The following KCTD16 variants were observed in gnomAD, a reference collection of about 807,000 sequenced individuals.
The protein encoded by KCTD16 is potassium channel tetramerization domain containing 16, also known as BTB/POZ domain-containing protein KCTD16.
In KCTD16, 13 loss-of-function variants were observed where a neutral mutation model predicts 33.2. The observed-to-expected ratio is 0.39, with a 90% CI of 0.25 to 0.62. KCTD16 has a LOEUF of 0.62. Ranked by LOEUF, KCTD16 falls within the 20% of genes least tolerant of loss-of-function variation. KCTD16 has a pLI of 0.50. For missense variants in KCTD16, 441 were observed against 525.1 expected (o/e 0.84, Z 1.57); for synonymous variants, 197 against 195.3 (o/e 1.01, Z -0.07).
chr5:144,180,686 G>A (rs1238583634), intron 2 of KCTD16, among the ~76,000 whole-genome samples: 1 of 152,172 alleles, frequency 6.6e-6, no homozygotes, highest in Non-Finnish European at 1.5e-5. Context: ...TGCAGGTTGG[G>A]ATCTCAGCTA....
intron 3 of KCTD16, among the ~76,000 whole-genome samples, chr5:144,415,943 A>G (rs576989794): frequency 6.6e-6 from 1 of 152,324 alleles, no homozygotes. Context: ...GAGGGAAAAG[A>G]AATTGAATTT....
rs1056725008 is a variant in KCTD16 at position 144,480,786 on chromosome 5, A to G, written c.*6672A>G. On this transcript the variant is annotated 3_prime_UTR_variant, in exon 4 of 4. Transcript: ENST00000512467. Reference sequence around the variant, plus strand: ...AGCCCTCCATAACAAAAAGTTATCCAGCCCACAATGTCAATAGTGCTTAGC... The same window carrying G: ...AGCCCTCCATAACAAAAAGTTATCCGGCCCACAATGTCAATAGTGCTTAGC... 2 of 151,992 alleles carry G rather than the reference A, an allele frequency of 1.3e-5. No homozygotes were observed. Among genetic ancestry groups the G allele is most frequent in the Non-Finnish European group, 2.9e-5 (2 of 67,944 alleles). The allele number at this position is 151,992 out of a possible 1,614,324, so 9.4% of individuals were successfully genotyped here. A position where few individuals can be genotyped will look rare whatever the true frequency, so the allele number is the denominator to read the frequency against.
chr5:144,346,970 G>A (rs1354144001), intron 3 of KCTD16, among the ~76,000 whole-genome samples: 1 of 151,514 alleles, frequency 6.6e-6, no homozygotes, highest in Non-Finnish European at 1.5e-5. Flanking sequence ...TTTTTTTTGT[G>A]GTAGTTTCAT....
chr5:144,378,048 C>G (rs933633981), intron 3 of KCTD16, among the ~76,000 whole-genome samples: 1 of 152,134 alleles, frequency 6.6e-6, no homozygotes, highest in Admixed American at 6.5e-5. Flanking sequence ...TATAAGAAAA[C>G]AAAGGAACTT....
intron 3 of KCTD16, among the ~76,000 whole-genome samples, chr5:144,446,194 G>A (rs1286588446): frequency 6.6e-6 from 1 of 151,816 alleles, no homozygotes; most frequent in Non-Finnish European, 1.5e-5. Context: ...TTTTTTAAAT[G>A]TGGGTATTTG....
intron 3 of KCTD16, among the ~76,000 whole-genome samples, chr5:144,452,116 G>T (rs1467255930): frequency 6.9e-6 from 1 of 145,858 alleles, no homozygotes; most frequent in East Asian, 2.0e-4. Flanking sequence ...TCACCCCGCT[G>T]CTCCCAAAAC....
At chr5:144,289,523 T>A (rs1240796633) in intron 3 of KCTD16, among the ~76,000 whole-genome samples, 1 of 152,214 alleles carries the variant, frequency 6.6e-6, no homozygotes, top group East Asian at 1.9e-4. Context: ...CACACATTCC[T>A]TCTACTGATT....
chr5:144,464,059 T>C (rs2126994546), intron 3 of KCTD16, among the ~76,000 whole-genome samples: 1 of 152,310 alleles, frequency 6.6e-6, no homozygotes, highest in African/African-American at 2.4e-5. Context: ...GAAAATGAGG[T>C]GTTCTTTCCA....
rs1461770167 is a variant in KCTD16, at chr5:144,479,663, CCT to C, written c.*5555_*5556del. On this transcript the variant is annotated 3_prime_UTR_variant, in exon 4 of 4. Coordinates refer to ENST00000512467, the MANE Select transcript of KCTD16 (RefSeq NM_020768.4). ...GGTTAAATTTGATTCAGTTTGTTGC[CCT>C]CTCTCCTCTACTTCCTAAGTGGGAT... The C allele has an allele frequency of 4.6e-5, 7 of 151,624 alleles. No individual in the cohort carries two copies. The highest frequency in any genetic ancestry group is 1.5e-4 in the African/African-American group (6 of 41,278). The allele number at this position is 151,624 out of a possible 1,614,324, so 9.4% of individuals were successfully genotyped here. A position where few individuals can be genotyped will look rare whatever the true frequency, so the allele number is the denominator to read the frequency against.
chr5:144,297,501 A>G (rs1756073331), intron 3 of KCTD16, among the ~76,000 whole-genome samples: 1 of 152,198 alleles, frequency 6.6e-6, no homozygotes, highest in Admixed American at 6.5e-5. Context: ...TATACTACAT[A>G]TGTTGCAGAA....
intron 3 of KCTD16, among the ~76,000 whole-genome samples, chr5:144,287,100 T>G (rs1004090859): frequency 3.3e-5 from 5 of 152,308 alleles, no homozygotes; most frequent in African/African-American, 1.2e-4. Context: ...AAGGTCCGTC[T>G]GGCCATGACA....
chr5:144,259,086 G>A (rs1452248836), intron 3 of KCTD16, among the ~76,000 whole-genome samples: 2 of 151,820 alleles, frequency 1.3e-5, no homozygotes, highest in East Asian at 1.9e-4. Flanking sequence ...GTGAAACCCC[G>A]TCTCTACTAA....
rs1251202081 is a variant in KCTD16 at position 144,477,078 on chromosome 5, G to C, written c.*2964G>C. 3.3e-5 allele frequency: 5 copies of C among 152,030 alleles called. No individual in the cohort carries two copies. Among genetic ancestry groups the C allele is most frequent in the Admixed American group, 2.0e-4 (3 of 15,270 alleles). The allele number at this position is 152,030 out of a possible 1,614,324, so 9.4% of individuals were successfully genotyped here. Reference sequence around the variant, plus strand: ...AGCTTTGGGAGATCATTCCCTAAAGGTATGTGGGTTGTCTGAAGTCAGAAA... The same window carrying C: ...AGCTTTGGGAGATCATTCCCTAAAGCTATGTGGGTTGTCTGAAGTCAGAAA... On this transcript the variant is annotated 3_prime_UTR_variant, in exon 4 of 4. Transcript: ENST00000512467.
At chr5:144,220,876 G>T (rs552011879) in intron 3 of KCTD16, among the ~76,000 whole-genome samples, 1 of 152,094 alleles carries the variant, frequency 6.6e-6, no homozygotes, top group South Asian at 2.1e-4. Flanking sequence ...AGGAGACGGA[G>T]GTTGCAGTGA....
At chr5:144,339,092 G>A (rs929954428) in intron 3 of KCTD16, among the ~76,000 whole-genome samples, 4 of 152,304 alleles carry the variant, frequency 2.6e-5, no homozygotes, top group South Asian at 2.1e-4. Flanking sequence ...TTAGCATCAC[G>A]TTTGATCAGC....
intron 3 of KCTD16, among the ~76,000 whole-genome samples, chr5:144,237,885 T>C (rs1754296623): frequency 6.6e-6 from 1 of 151,904 alleles, no homozygotes; most frequent in East Asian, 1.9e-4. Flanking sequence ...TTATCTGAGG[T>C]CATATTGAAG....
intron 3 of KCTD16, among the ~76,000 whole-genome samples, chr5:144,398,708 A>ACACTCTCTCTCTCTCT (rs1554092476): frequency 9.0e-4 from 131 of 145,518 alleles, no homozygotes; most frequent in African/African-American, 3.2e-3. Flanking sequence ...ACACACACAC[A>ACACTCTCTCTCTCTCT]CTCTCTCTCT....
At chr5:144,265,687 A>G (rs1755122939) in intron 3 of KCTD16, among the ~76,000 whole-genome samples, 1 of 152,240 alleles carries the variant, frequency 6.6e-6, no homozygotes, top group African/African-American at 2.4e-5. Context: ...TCATCATAAA[A>G]GCTACTATTT....
chr5:144,214,546 T>C (rs904384991), intron 3 of KCTD16, among the ~76,000 whole-genome samples: 6 of 152,210 alleles, frequency 3.9e-5, no homozygotes, highest in Non-Finnish European at 5.9e-5. Context: ...CTGCCCTCTT[T>C]GCATTTATAA....
Sources: allele counts gnomAD v4.1 joint callset (sites outside exome capture counted in the v4.1 genomes callset), GRCh38; gene constraint gnomAD v4.1.1; transcripts MANE v1.5; gene names NCBI Gene and HGNC (gene_info 2026-07-23, HGNC 2026-07-21).